Variants in NBEA observed in about 807,000 individuals in gnomAD.
NBEA encodes the protein neurobeachin.
A neutral mutation model predicts 343.4 loss-of-function variants in NBEA; 44 were observed. The observed-to-expected ratio is 0.13, with a 90% CI of 0.10 to 0.16. NBEA has a LOEUF of 0.16. Among genes scored for constraint, NBEA ranks in the 10% least tolerant of loss-of-function variants. The probability of loss-of-function intolerance (pLI) is 1.00; values close to 1 mark genes in which losing one functional copy is unlikely to be tolerated. For synonymous variants in NBEA, 1,175 were observed against 1,238.7 expected, an observed-to-expected ratio of 0.95 and a Z score of 1.08; for missense variants, 2,555 against 3,631.3, an observed-to-expected ratio of 0.70 and a Z score of 7.62.
At chr13:35,563,520 G>A (rs2079981921) in intron 44 of NBEA, among the ~76,000 whole-genome samples, 1 of 151,652 alleles carries the variant, frequency 6.6e-6, no homozygotes, top group Non-Finnish European at 1.5e-5. Flanking sequence ...AATACATTGT[G>A]CATTTTTAAT....
intron 36 of NBEA, among the ~76,000 whole-genome samples, chr13:35,321,495 GCCAGCTGGAGCTCT>G (rs1373306859): frequency 2.4e-4 from 37 of 152,216 alleles, no homozygotes; most frequent in Admixed American, 2.3e-3. Context: ...CCTGCCATAT[GCCAGCTGGAGCTCT>G]CCTGTATGAG....
At chr13:35,295,121 TATATAA>T (rs2036041101) in intron 35 of NBEA, among the ~76,000 whole-genome samples, 1 of 148,154 alleles carries the variant, frequency 6.7e-6, no homozygotes, top group Non-Finnish European at 1.5e-5. Flanking sequence ...TTATATTTAA[TATATAA>T]ATATAATATT....
intron 4 of NBEA, among the ~76,000 whole-genome samples, chr13:35,046,375 A>G (rs1261941104): frequency 6.6e-6 from 1 of 152,134 alleles, no homozygotes; most frequent in Non-Finnish European, 1.5e-5. Flanking sequence ...TCTGTATTAG[A>G]ACATTGTACA....
intron 41 of NBEA, among the ~76,000 whole-genome samples, chr13:35,548,434 G>A (rs977624977): frequency 3.3e-5 from 5 of 152,140 alleles, no homozygotes; most frequent in African/African-American, 1.2e-4. Flanking sequence ...ATATGACTCT[G>A]TGTGTGTATA....
At chr13:35,433,262 T>C (rs1240145214) in intron 39 of NBEA, among the ~76,000 whole-genome samples, 2 of 152,132 alleles carry the variant, frequency 1.3e-5, no homozygotes, top group Non-Finnish European at 2.9e-5. Context: ...TAAAGTGTGA[T>C]GGGGTATATC....
chr13:35,164,179 A>T (rs1169702028), intron 23 of NBEA, among the ~76,000 whole-genome samples, 177 bp from the exon 24 acceptor site: 2 of 152,134 alleles, frequency 1.3e-5, no homozygotes, highest in East Asian at 1.9e-4. Flanking sequence ...TCCTGTGGAG[A>T]TGAATGCTTA....
intron 2 of NBEA, among the ~76,000 whole-genome samples, chr13:35,042,746 G>T (rs1207360300): frequency 6.6e-6 from 1 of 151,564 alleles, no homozygotes; most frequent in Non-Finnish European, 1.5e-5. Flanking sequence ...GCTTGATGAT[G>T]GAAGGATATG....
chr13:35,143,632 T>G (rs2068219006), intron 18 of NBEA, among the ~76,000 whole-genome samples: 1 of 152,154 alleles, frequency 6.6e-6, no homozygotes, highest in African/African-American at 2.4e-5. Flanking sequence ...AAACAGAATA[T>G]CTCATCATTG....
At chr13:34,982,575 A>G (rs2060394065) in intron 1 of NBEA, among the ~76,000 whole-genome samples, 1 of 152,162 alleles carries the variant, frequency 6.6e-6, no homozygotes, top group African/African-American at 2.4e-5. Context: ...TGCTGGGAGT[A>G]CAGGTGTGAG....
chr13:35,661,436 G>A (rs1566477097), intron 55 of NBEA, among the ~76,000 whole-genome samples: 1 of 152,298 alleles, frequency 6.6e-6, no homozygotes. Flanking sequence ...TAATTTCACC[G>A]TATCTGTCTT....
chr13:35,222,431 A>G (rs907155764), intron 33 of NBEA, among the ~76,000 whole-genome samples: 3 of 152,114 alleles, frequency 2.0e-5, no homozygotes, highest in Non-Finnish European at 4.4e-5. Context: ...ATTTGCATTC[A>G]GTATAATCAC....
Position 34,968,092 on chromosome 13 carries a change from G to A in NBEA, c.294+24978G>A, listed in dbSNP as rs575224838. Among the ~76,000 whole-genome samples the A allele has an allele frequency of 1.8e-4, 27 of 152,202 alleles. No homozygotes were observed. In the South Asian group the frequency reaches 2.3e-3, roughly 13 times the overall value. ...GGAAAGTGCTACACTTACAATTACA[G>A]TTTTATTATAAAGGAAACAGCTTAG... is the stretch of plus-strand genomic sequence containing the variant. On this transcript the variant is annotated intron_variant, in intron 1 of 58. Transcript: ENST00000379939.
chr13:35,217,238 GA>G (rs1478881656), intron 33 of NBEA, among the ~76,000 whole-genome samples: 2 of 151,722 alleles, frequency 1.3e-5, no homozygotes, highest in South Asian at 2.1e-4. Context: ...TTTAACTTTT[GA>G]ACTCTGAGAG....
intron 46 of NBEA, among the ~76,000 whole-genome samples, chr13:35,587,374 T>A (rs2081337472): frequency 6.6e-6 from 1 of 152,240 alleles, no homozygotes; most frequent in South Asian, 2.1e-4. Flanking sequence ...AAGGAAATTT[T>A]TGGAAAACAC....
chr13:35,497,248 T>C (rs1309496105), intron 41 of NBEA, among the ~76,000 whole-genome samples: 1 of 152,100 alleles, frequency 6.6e-6, no homozygotes, highest in African/African-American at 2.4e-5. Flanking sequence ...CTCTGTATGA[T>C]TTCATATACA....
chr13:35,001,923 T>C (rs2061155242), intron 1 of NBEA, among the ~76,000 whole-genome samples: 1 of 152,164 alleles, frequency 6.6e-6, no homozygotes, highest in Non-Finnish European at 1.5e-5. Flanking sequence ...CTTTACCCCA[T>C]GTGCACAATT....
chr13:35,514,819 A>G (rs543637991), intron 41 of NBEA, among the ~76,000 whole-genome samples: 1 of 152,290 alleles, frequency 6.6e-6, no homozygotes, highest in South Asian at 2.1e-4. Context: ...CAGTAGGGTA[A>G]GAGGTTATTA....
rs1182226991 is a variant in NBEA at position 35,161,977 on chromosome 13, T to C, written c.4079+10T>C. On this transcript the variant is annotated intron_variant, in intron 23 of 58. Coordinates refer to ENST00000379939, the MANE Select transcript of NBEA (RefSeq NM_001385012.1). ...TACATGTTTGGAGGAGGTAGAAATA[T>C]TTCTTTTTTATAAATTAAAAGCAAA... is the stretch of plus-strand genomic sequence containing the variant. 4 of 1,531,184 alleles carry C rather than the reference T, an allele frequency of 2.6e-6. No individual in the cohort carries two copies. The South Asian group carries it at 4.9e-5, about 19-fold the overall frequency. 94.8% of individuals were successfully genotyped at this position (1,531,184 alleles called of 1,614,324 possible). A position where few individuals can be genotyped will look rare whatever the true frequency, so the allele number is the denominator to read the frequency against.
intron 7 of NBEA, 46 bp from the exon 8 acceptor site, chr13:35,058,671 T>C (rs1197524488): frequency 6.8e-7 from 1 of 1,476,678 alleles, no homozygotes; most frequent in Non-Finnish European, 9.3e-7. Flanking sequence ...TTAAACCTTT[T>C]TGTCATTAAA....
Sources: allele counts gnomAD v4.1 joint callset (sites outside exome capture counted in the v4.1 genomes callset), GRCh38; gene constraint gnomAD v4.1.1; transcripts MANE v1.5; gene names NCBI Gene and HGNC (gene_info 2026-07-23, HGNC 2026-07-21).